The following FHIT variants were observed in gnomAD, a reference collection of about 807,000 sequenced individuals.
FHIT encodes the protein bis(5'-adenosyl)-triphosphatase.
FHIT carries 19 observed loss-of-function variants against 17.9 expected under a neutral mutation model. That is an observed-to-expected ratio of 1.06 (90% CI 0.74 to 1.56). FHIT has a LOEUF of 1.56. Ranked by LOEUF, FHIT falls within the 40% of genes most tolerant of loss-of-function variation. The pLI, the probability that FHIT is intolerant of heterozygous loss-of-function variation, is 0.00. For synonymous variants in FHIT, 81 were observed against 69.7 expected, an observed-to-expected ratio of 1.16 and a Z score of -0.81; for missense variants, 248 against 189.2, an observed-to-expected ratio of 1.31 and a Z score of -1.82.
At chr3:60,030,494 C>G (rs1187212000) in intron 5 of FHIT, among the ~76,000 whole-genome samples, 2 of 152,182 alleles carry the variant, frequency 1.3e-5, no homozygotes, top group Non-Finnish European at 2.9e-5. Flanking sequence ...CAATCCCATC[C>G]CATGAAGGTA....
At chr3:61,071,646 A>G (rs116059044) in intron 2 of FHIT, among the ~76,000 whole-genome samples, 284 of 152,340 alleles carry the variant, frequency 1.9e-3, no homozygotes, top group African/African-American at 6.5e-3. Context: ...AGCAAGATAT[A>G]AAACAGTCTA....
chr3:60,911,636 G>A (rs782371018), intron 3 of FHIT, among the ~76,000 whole-genome samples: 14 of 152,176 alleles, frequency 9.2e-5, no homozygotes, highest in Non-Finnish European at 1.8e-4. Flanking sequence ...AGAGAACACA[G>A]AAGAGTCATT....
At chr3:60,759,751 C>A (rs114258146) in intron 4 of FHIT, among the ~76,000 whole-genome samples, 1 of 152,112 alleles carries the variant, frequency 6.6e-6, no homozygotes, top group African/African-American at 2.4e-5. Flanking sequence ...ATTTGGCAAC[C>A]AAGGGGCCAT....
At chr3:60,005,836 C>T (rs146621490) in intron 7 of FHIT, among the ~76,000 whole-genome samples, 68 of 152,272 alleles carry the variant, frequency 4.5e-4, no homozygotes, top group African/African-American at 1.6e-3. Flanking sequence ...AAAAGAAAAT[C>T]ATTTTCATCC....
intron 5 of FHIT, among the ~76,000 whole-genome samples, chr3:60,157,059 A>C (rs967855054): frequency 7.9e-5 from 12 of 152,206 alleles, no homozygotes; most frequent in African/African-American, 2.4e-4. Context: ...TTGATTAATA[A>C]ATCAATACTC....
At chr3:60,545,154 G>A (rs372932003) in intron 4 of FHIT, among the ~76,000 whole-genome samples, 6 of 148,898 alleles carry the variant, frequency 4.0e-5, no homozygotes, top group African/African-American at 1.2e-4. Context: ...ACATAATACT[G>A]GTAAAAACTT....
intron 5 of FHIT, among the ~76,000 whole-genome samples, chr3:60,195,395 T>C (rs1240361872): frequency 1.3e-5 from 2 of 151,586 alleles, no homozygotes; most frequent in African/African-American, 2.4e-5. Context: ...TATCTTGCGA[T>C]CCCAATACTG....
intron 2 of FHIT, among the ~76,000 whole-genome samples, chr3:61,071,692 T>C (rs1307586497): frequency 6.6e-6 from 1 of 152,060 alleles, no homozygotes; most frequent in African/African-American, 2.4e-5. Context: ...AATAAGTATT[T>C]CCATATATAT....
chr3:59,782,897 C>G (rs145523864), intron 8 of FHIT, among the ~76,000 whole-genome samples: 1 of 152,232 alleles, frequency 6.6e-6, no homozygotes, highest in African/African-American at 2.4e-5. Flanking sequence ...CTAGCCAAGA[C>G]AGCAGGAAGA....
At chr3:59,765,028 C>G (rs1701725514) in intron 8 of FHIT, among the ~76,000 whole-genome samples, 1 of 152,124 alleles carries the variant, frequency 6.6e-6, no homozygotes, top group Non-Finnish European at 1.5e-5. Context: ...TACTATGTAC[C>G]TAACCTTCCA....
chr3:60,896,017 G>A (rs371143261), intron 3 of FHIT, among the ~76,000 whole-genome samples: 1 of 152,062 alleles, frequency 6.6e-6, no homozygotes, highest in South Asian at 2.1e-4. Context: ...GCGGGCAGGG[G>A]AACCTAACTG....
chr3:60,140,411 G>A (rs1699990189), intron 5 of FHIT, among the ~76,000 whole-genome samples: 1 of 151,958 alleles, frequency 6.6e-6, no homozygotes, highest in African/African-American at 2.4e-5. Flanking sequence ...TTCTTGATAT[G>A]AGCAACTTGG....
chr3:59,753,739 C>T (rs1373754618), intron 8 of FHIT, among the ~76,000 whole-genome samples: 1 of 152,170 alleles, frequency 6.6e-6, no homozygotes, highest in African/African-American at 2.4e-5. Flanking sequence ...ACTCATAAAA[C>T]TGACGCTACT....
intron 3 of FHIT, among the ~76,000 whole-genome samples, chr3:61,017,222 G>A (rs1231383004): frequency 6.6e-6 from 1 of 152,196 alleles, no homozygotes; most frequent in Non-Finnish European, 1.5e-5. Flanking sequence ...CCTAAGAAGT[G>A]GAGGTGCAGC....
intron 1 of FHIT, among the ~76,000 whole-genome samples, chr3:61,237,475 T>C (rs2040261064): frequency 6.6e-6 from 1 of 152,234 alleles, no homozygotes; most frequent in Admixed American, 6.5e-5. Flanking sequence ...AAACTTTAAA[T>C]AGCCAGAACT....
At chr3:60,117,494 TAAAAAAAAA>T (rs34113926) in intron 5 of FHIT, among the ~76,000 whole-genome samples, 1 of 86,766 alleles carries the variant, frequency 1.2e-5, no homozygotes, top group Non-Finnish European at 2.2e-5. Context: ...ACTTCCTATC[TAAAAAAAAA>T]AAAAAAAAAA....
intron 8 of FHIT, among the ~76,000 whole-genome samples, chr3:59,767,176 C>A (rs1296860636): frequency 6.6e-6 from 1 of 152,214 alleles, no homozygotes; most frequent in African/African-American, 2.4e-5. Context: ...TGCAGATAAA[C>A]CACAAGGAAC....
chr3:60,569,990 T>C (rs1008294245), intron 4 of FHIT, among the ~76,000 whole-genome samples: 4 of 152,024 alleles, frequency 2.6e-5, no homozygotes, highest in Non-Finnish European at 5.9e-5. Flanking sequence ...CAATCATTAC[T>C]ACAATCAATT....
intron 3 of FHIT, among the ~76,000 whole-genome samples, chr3:60,905,564 T>C (rs1706363104): frequency 6.6e-6 from 1 of 152,176 alleles, no homozygotes; most frequent in African/African-American, 2.4e-5. Context: ...TAAAAAATAC[T>C]GGAAAGAATC....
Sources: allele counts gnomAD v4.1 joint callset (sites outside exome capture counted in the v4.1 genomes callset), GRCh38; gene constraint gnomAD v4.1.1; transcripts MANE v1.5; gene names NCBI Gene and HGNC (gene_info 2026-07-23, HGNC 2026-07-21).